Variants in CCDC13 observed in about 807,000 individuals in gnomAD.
CCDC13 encodes coiled-coil domain-containing protein 13.
A neutral mutation model predicts 87.3 loss-of-function variants in CCDC13; 70 were observed. That is an observed-to-expected ratio of 0.80 (90% confidence interval 0.66 to 0.98). The LOEUF is 0.98. Ranked by LOEUF, CCDC13 falls within the 50% of genes least tolerant of loss-of-function variation. The pLI is 0.00. For synonymous variants in CCDC13, 317 were observed against 360.3 expected (o/e 0.88, Z 1.36); for missense variants, 842 against 892.0 (o/e 0.94, Z 0.71).
chr3:42,737,725 T>C (rs1179280928), intron 9 of CCDC13, among the ~76,000 whole-genome samples: 1 of 152,262 alleles, frequency 6.6e-6, no homozygotes, highest in Admixed American at 6.5e-5. Flanking sequence ...TTGAGAAGCG[T>C]CTGTTCATAT....
intron 5 of CCDC13, among the ~76,000 whole-genome samples, chr3:42,748,808 T>C (rs968606594): frequency 6.6e-6 from 1 of 152,160 alleles, no homozygotes; most frequent in African/African-American, 2.4e-5. Context: ...TCGGAACTTA[T>C]ATGAAACATA....
In CCDC13 at chr3:42,708,994, T is replaced by C. The variant is rs757283058; in HGVS notation, c.2134A>G (p.Thr712Ala). 6.2e-7 allele frequency: 1 copy of C among 1,612,132 alleles called. No homozygotes were observed. Among genetic ancestry groups the C allele is most frequent in the Non-Finnish European group, 8.5e-7 (1 of 1,179,056 alleles). Residue 712 changes from threonine to alanine, a missense_variant, in exon 16 of 16, where the codon ACA becomes GCA. Transcript: ENST00000310232. ...VFLQALRQQK[T>A]GKQ is the part of the protein sequence containing the mutation. ...GGGCTGTCATCCTATTGCTTGCCTGTCTTCTGCTGCCGCAGGGCCTGCAGG... is the reference window on the plus strand; with the variant it reads ...GGGCTGTCATCCTATTGCTTGCCTGCCTTCTGCTGCCGCAGGGCCTGCAGG...
At chr3:42,705,279 G>T (rs1698151301), downstream of CCDC13, among the ~76,000 whole-genome samples, 1 of 152,124 alleles carries the variant, frequency 6.6e-6, no homozygotes, top group Non-Finnish European at 1.5e-5. Context: ...TGGGTGTGGG[G>T]GTGCAGAGGA....
intron 1 of CCDC13, among the ~76,000 whole-genome samples, chr3:42,764,855 T>C (rs1042917365): frequency 3.9e-5 from 6 of 152,226 alleles, no homozygotes; most frequent in African/African-American, 1.4e-4. Flanking sequence ...CAGTGTATTA[T>C]AATTATCTAT....
rs1268388306 is a variant in CCDC13, at chr3:42,747,385, G to A, written c.604-12C>T. The A allele has an allele frequency of 6.3e-7, 1 of 1,580,022 alleles. No homozygotes were observed. The highest frequency in any genetic ancestry group is 8.7e-7 in the Non-Finnish European group (1 of 1,149,792). On this transcript the variant is annotated splice_polypyrimidine_tract_variant and intron_variant, in intron 5 of 15. Coordinates refer to ENST00000310232, the MANE Select transcript of CCDC13 (RefSeq NM_144719.4). ...TCTGGGGTCTCCAGCTGGTTGGGAA[G>A]GACAGGAGAGAAAGTAGTCATTTAT...
intron 1 of CCDC13, among the ~76,000 whole-genome samples, chr3:42,760,174 C>T (rs1699798614): frequency 6.6e-6 from 1 of 151,856 alleles, no homozygotes; most frequent in Admixed American, 6.6e-5. Context: ...GCCTGTAATC[C>T]CTGCTACTCG....
chr3:42,743,600 T>TATATATATATATATATATACATAC lies in CCDC13; in HGVS notation c.826-544_826-543insGTATGTATATATATATATATATAT. On this transcript the variant is annotated intron_variant, in intron 7 of 15. Coordinates refer to ENST00000310232, the MANE Select transcript of CCDC13 (RefSeq NM_144719.4). The stretch of plus-strand genomic sequence containing the variant: ...GCCTGGATAATTTTATATATATATA[T>TATATATATATATATATATACATAC]ACACACACACATATATATATACACA... 1.6e-3 allele frequency among the ~76,000 whole-genome samples: 201 copies of TATATATATATATATATATACATAC among 125,772 alleles called. 7 individuals carry two copies. Among genetic ancestry groups the TATATATATATATATATATACATAC allele is most frequent in the African/African-American group, 6.7e-3 (186 of 27,846 alleles). 82.5% of individuals were successfully genotyped at this position (125,772 alleles called of 152,430 possible).
intron 1 of CCDC13, among the ~76,000 whole-genome samples, chr3:42,771,387 C>G (rs2125918323): frequency 6.6e-6 from 1 of 152,132 alleles, no homozygotes; most frequent in East Asian, 1.9e-4. Context: ...GGAGGTGAAA[C>G]TGTTCTGTAT....
chr3:42,743,175 T>C, intron 7 of CCDC13, 118 bp from the exon 8 acceptor site: 1 of 1,143,290 alleles, frequency 8.7e-7, no homozygotes, highest in Non-Finnish European at 1.3e-6. Flanking sequence ...ATGGCTGTGG[T>C]AGCCCCATCT....
intron 2 of CCDC13, among the ~76,000 whole-genome samples, chr3:42,757,793 G>T (rs192959137): frequency 6.6e-4 from 100 of 152,064 alleles, no homozygotes; most frequent in Non-Finnish European, 1.0e-3. Context: ...TTCTCTAATG[G>T]CAAGTGACTG....
chr3:42,733,907 CT>C (rs1559645276), intron 10 of CCDC13, among the ~76,000 whole-genome samples: 1 of 152,220 alleles, frequency 6.6e-6, no homozygotes, highest in Non-Finnish European at 1.5e-5. Context: ...AGGTCAGAGA[CT>C]GACGTCTCTG....
At chr3:42,747,721 A>G (rs1699453700) in intron 5 of CCDC13, among the ~76,000 whole-genome samples, 1 of 152,176 alleles carries the variant, frequency 6.6e-6, no homozygotes, top group African/African-American at 2.4e-5. Flanking sequence ...CATCTGGAGG[A>G]AGCGGCAGGC....
At chr3:42,721,533 A>G (rs536442224) in intron 13 of CCDC13, among the ~76,000 whole-genome samples, 194 of 152,336 alleles carry the variant, frequency 1.3e-3, no homozygotes, top group Middle Eastern at 0.01. Flanking sequence ...TTCAGAGTCA[A>G]GGAAACTTTT....
chr3:42,750,688 G>A (rs1428748057), intron 5 of CCDC13, among the ~76,000 whole-genome samples: 2 of 152,144 alleles, frequency 1.3e-5, no homozygotes, highest in African/African-American at 2.4e-5. Context: ...GGCTGGTCTC[G>A]AACTCCTGGC....
chr3:42,767,372 G>T (rs1699951632), intron 1 of CCDC13, among the ~76,000 whole-genome samples: 1 of 152,136 alleles, frequency 6.6e-6, no homozygotes. Context: ...ATATGTGTAA[G>T]ATCTATATTA....
chr3:42,714,714 G>C (rs986200581), intron 13 of CCDC13, among the ~76,000 whole-genome samples: 1 of 152,228 alleles, frequency 6.6e-6, no homozygotes, highest in Non-Finnish European at 1.5e-5. Context: ...TTCCACCTTG[G>C]TGAAGGGTCA....
At position 42,730,564 on chromosome 3, in the gene CCDC13, CT is replaced by C. The variant is rs1211749003; in HGVS notation, c.1620del (p.Gly541AlafsTer120). On this transcript the variant is annotated frameshift_variant, in exon 13 of 16. Coordinates refer to ENST00000310232, the MANE Select transcript of CCDC13 (RefSeq NM_144719.4). LOFTEE classifies it high-confidence loss of function. ...SPRFSDSPEQ[K>X]GWQAQVSEIK... ...ATCTCTGACACTTGTGCCTGCCAGC[CT>C]TTTTGTTCTGGGGAGTCCGAGAACC... 2.5e-6 allele frequency: 4 copies of C among 1,614,000 alleles called. No individual in the cohort carries two copies. Among genetic ancestry groups the C allele is most frequent in the Non-Finnish European group, 3.4e-6 (4 of 1,179,990 alleles).
rs370167242 is a variant in CCDC13, at chr3:42,709,132, T to C, written c.1996A>G (p.Ile666Val). ...AGCATTTCATTCTCCTCCACCTGGA[T>C]GGCCAGCCTGGACCACAGGAGACAG... is the stretch of plus-strand genomic sequence containing the variant. Reference protein sequence around the residue: ...QMEELTTRLAIQVEENEMLKA... With the variant: ...QMEELTTRLAVQVEENEMLKA... The change falls in exon 16 of 16, where the codon ATC (isoleucine) becomes GTC (valine). Residue 666 changes from isoleucine (I) to valine (V), a missense_variant. Ile to Val is a conservative substitution (Grantham distance 29, BLOSUM62 3). Transcript: ENST00000310232. The C allele has an allele frequency of 1.9e-6, 3 of 1,610,454 alleles. No homozygotes were observed. The East Asian group carries it at 6.7e-5, about 36-fold the overall frequency.
chr3:42,726,416 T>C (rs1698690140), intron 13 of CCDC13, among the ~76,000 whole-genome samples: 1 of 152,152 alleles, frequency 6.6e-6, no homozygotes. Context: ...ACTGAAGATA[T>C]TTAGTGATCT....
Sources: gnomAD v4.1 joint callset for allele counts (sites outside exome capture counted in the v4.1 genomes callset) on GRCh38, gnomAD v4.1.1 for gene constraint, MANE v1.5 for transcripts, NCBI Gene and HGNC (gene_info 2026-07-23, HGNC 2026-07-21) for gene names.